Variants in ROBO1 observed in about 807,000 individuals in gnomAD.
ROBO1 encodes the protein roundabout guidance receptor 1, also known as roundabout homolog 1.
In ROBO1, 149 loss-of-function variants were observed where a neutral mutation model predicts 195.9. The ratio of observed to expected loss-of-function variants is 0.76; its 90% CI spans 0.67 to 0.87. ROBO1 has a LOEUF of 0.87. Ranked by LOEUF, ROBO1 falls within the 40% of genes least tolerant of loss-of-function variation. The probability of loss-of-function intolerance (pLI) is 0.00; values close to 1 mark genes in which losing one functional copy is unlikely to be tolerated. For synonymous variants in ROBO1, 816 were observed against 733.2 expected (o/e 1.11, Z -1.82); for missense variants, 1,933 against 2,068.3 (o/e 0.93, Z 1.27).
intron 4 of ROBO1, among the ~76,000 whole-genome samples, chr3:78,882,340 A>G (rs2036230351): frequency 6.6e-6 from 1 of 152,084 alleles, no homozygotes; most frequent in African/African-American, 2.4e-5. Context: ...TTTTTTTCTA[A>G]AACGATAGAA....
chr3:79,237,257 C>A (rs980633625), intron 2 of ROBO1, among the ~76,000 whole-genome samples: 1 of 151,974 alleles, frequency 6.6e-6, no homozygotes. Context: ...CCGAGGCGGG[C>A]GGATCACGAG....
chr3:79,719,225 A>G (rs1702604299), intron 1 of ROBO1, among the ~76,000 whole-genome samples: 1 of 152,092 alleles, frequency 6.6e-6, no homozygotes, highest in Non-Finnish European at 1.5e-5. Flanking sequence ...ATTCCTCCTA[A>G]CAAGAACAGC....
chr3:78,882,898 C>T (rs145766941), intron 4 of ROBO1, among the ~76,000 whole-genome samples: 29 of 150,900 alleles, frequency 1.9e-4, no homozygotes, highest in Middle Eastern at 6.8e-3. Flanking sequence ...CTGCAATCTC[C>T]GCCTCCCAGG....
intron 2 of ROBO1, among the ~76,000 whole-genome samples, chr3:79,528,570 T>C (rs1239795415): frequency 6.6e-6 from 1 of 152,202 alleles, no homozygotes; most frequent in African/African-American, 2.4e-5. Flanking sequence ...TCGTCTTTAA[T>C]GAGAATTTGA....
chr3:79,659,685 G>A (rs2106815326), intron 1 of ROBO1, among the ~76,000 whole-genome samples: 1 of 152,118 alleles, frequency 6.6e-6, no homozygotes, highest in Non-Finnish European at 1.5e-5. Flanking sequence ...TCGGTAATTG[G>A]ATAGAGAAGA....
chr3:78,825,614 G>C (rs1396284358), intron 4 of ROBO1, among the ~76,000 whole-genome samples: 1 of 152,112 alleles, frequency 6.6e-6, no homozygotes, highest in Non-Finnish European at 1.5e-5. Context: ...TGAAGAGAAA[G>C]ACTGGGTACA....
chr3:78,879,513 T>C (rs2036053762), intron 4 of ROBO1, among the ~76,000 whole-genome samples: 1 of 147,578 alleles, frequency 6.8e-6, no homozygotes, highest in Non-Finnish European at 1.5e-5. Context: ...CATTACCACA[T>C]GCTTTCATTC....
intron 2 of ROBO1, among the ~76,000 whole-genome samples, chr3:79,458,559 C>G (rs2039694418): frequency 6.6e-6 from 1 of 151,200 alleles, no homozygotes; most frequent in Non-Finnish European, 1.5e-5. Flanking sequence ...AGACGCCACT[C>G]TAGGATTTAA....
chr3:79,596,197 C>G (rs901852130), intron 1 of ROBO1, among the ~76,000 whole-genome samples: 1 of 151,996 alleles, frequency 6.6e-6, no homozygotes, highest in African/African-American at 2.4e-5. Context: ...TTAGGAGAGT[C>G]ATAAATACAT....
At chr3:78,786,550 A>T (rs2083840608) in intron 4 of ROBO1, among the ~76,000 whole-genome samples, 1 of 152,058 alleles carries the variant, frequency 6.6e-6, no homozygotes, top group Admixed American at 6.6e-5. Flanking sequence ...TAGCTCCCAT[A>T]ATCTCCACAT....
intron 4 of ROBO1, among the ~76,000 whole-genome samples, chr3:78,798,653 G>C (rs2084256919): frequency 6.6e-6 from 1 of 152,134 alleles, no homozygotes; most frequent in African/African-American, 2.4e-5. Context: ...GAGATCAAAA[G>C]AGATTTCATC....
intron 2 of ROBO1, among the ~76,000 whole-genome samples, chr3:79,256,894 T>C (rs959305760): frequency 6.6e-6 from 1 of 152,174 alleles, no homozygotes; most frequent in African/African-American, 2.4e-5. Flanking sequence ...TTCTTACTGA[T>C]TGAATGTGTC....
intron 4 of ROBO1, among the ~76,000 whole-genome samples, chr3:78,897,348 C>G (rs1186122019): frequency 6.6e-6 from 1 of 152,144 alleles, no homozygotes; most frequent in Non-Finnish European, 1.5e-5. Context: ...TGCAGATAGT[C>G]TGGGAACCAT....
chr3:79,578,649 G>C (rs1943568121), intron 2 of ROBO1, among the ~76,000 whole-genome samples: 1 of 152,116 alleles, frequency 6.6e-6, no homozygotes, highest in Non-Finnish European at 1.5e-5. Context: ...TTTCTACCCA[G>C]AATGCCTGCA....
intron 2 of ROBO1, among the ~76,000 whole-genome samples, chr3:79,509,166 C>G (rs1940564707): frequency 1.3e-5 from 2 of 151,688 alleles, no homozygotes; most frequent in African/African-American, 4.8e-5. Flanking sequence ...TATTATGTAC[C>G]TAAAGGAATC....
chr3:79,662,484 G>A (rs777623864), intron 1 of ROBO1, among the ~76,000 whole-genome samples: 4 of 151,952 alleles, frequency 2.6e-5, no homozygotes, highest in Non-Finnish European at 5.9e-5. Flanking sequence ...AAAAGGACAG[G>A]GAAGGGGAAA....
chr3:78,967,437 C>G (rs1576484680), intron 3 of ROBO1, among the ~76,000 whole-genome samples: 1 of 151,862 alleles, frequency 6.6e-6, no homozygotes, highest in Non-Finnish European at 1.5e-5. Flanking sequence ...TAACTTCCCT[C>G]CTTCCAAAAC....
chr3:79,547,184 CAAAAAAAAAAAAAAA>C (rs1162585941), intron 2 of ROBO1, among the ~76,000 whole-genome samples: 1 of 23,264 alleles, frequency 4.3e-5, no homozygotes, highest in Non-Finnish European at 7.8e-5. Flanking sequence ...GACTCCGCCT[CAAAAAAAAAAAAAAA>C]AAAAAAAAAA....
At chr3:78,928,482 G>C (rs2039333849) in intron 4 of ROBO1, among the ~76,000 whole-genome samples, 1 of 152,108 alleles carries the variant, frequency 6.6e-6, no homozygotes, top group Non-Finnish European at 1.5e-5. Context: ...TTAAGAAATT[G>C]ACCTTATTGT....
Sources: allele counts gnomAD v4.1 joint callset (sites outside exome capture counted in the v4.1 genomes callset), GRCh38; gene constraint gnomAD v4.1.1; transcripts MANE v1.5; gene names NCBI Gene and HGNC (gene_info 2026-07-23, HGNC 2026-07-21).